Variants in CDHR1 observed in about 807,000 individuals in gnomAD.
CDHR1 encodes the protein cadherin-related family member 1.
CDHR1 carries 61 observed loss-of-function variants against 72.1 expected under a neutral mutation model. The observed-to-expected ratio is 0.85, with a 90% CI of 0.69 to 1.05. The LOEUF (loss-of-function observed/expected upper bound fraction) is 1.05, where lower values mean the gene tolerates loss of function less well. Ranked by LOEUF, CDHR1 falls within the 50% of genes least tolerant of loss-of-function variation. The pLI is 0.00. For synonymous variants in CDHR1, 470 were observed against 448.1 expected (o/e 1.05, Z -0.62); for missense variants, 1,186 against 1,115.7 (o/e 1.06, Z -0.90).
rs1842436154 is a variant in CDHR1 at position 84,217,004 on chromosome 10, G to A, written c.*2383G>A. On this transcript the variant is annotated 3_prime_UTR_variant, in exon 17 of 17. Coordinates refer to ENST00000623527, the MANE Select transcript of CDHR1 (RefSeq NM_033100.4). ...GTCTCTTGGACAACCCCAGGAACTT[G>A]GACCAAGGCAGAGCCAATCTTGCAA... 1 of 985,428 alleles carries A rather than the reference G, an allele frequency of 1.0e-6. No individual in the cohort carries two copies. The highest frequency in any genetic ancestry group is 1.7e-5 in the African/African-American group (1 of 57,244). The allele number at this position is 985,428 out of a possible 1,614,324, so 61.0% of individuals were successfully genotyped here.
In CDHR1 at chr10:84,214,376, A is replaced by G. The variant is rs201966538; in HGVS notation, c.2335A>G (p.Asn779Asp). The G allele has an allele frequency of 1.2e-6, 2 of 1,614,096 alleles. No individual in the cohort carries two copies. The highest frequency in any genetic ancestry group is 1.3e-5 in the African/African-American group (1 of 75,042). Residue 779 changes from asparagine (N) to aspartate (D), a missense_variant, in exon 17 of 17, where the codon AAC becomes GAC. Physicochemically the swap from Asn to Asp is conservative, Grantham distance 23. Transcript: ENST00000623527. ...AGAGAAACCTCCCAATGAGAACTGT[A>G]ACAACAACAGCCCAGAAAGCTCTCT... ...LKEKPPNENCNNNSPESSLLP... is the reference protein window; with the variant it reads ...LKEKPPNENCDNNSPESSLLP...
chr10:84,213,882 T>G (rs538829886), intron 16 of CDHR1, among the ~76,000 whole-genome samples, 200 bp from the exon 17 acceptor site: 1 of 152,314 alleles, frequency 6.6e-6, no homozygotes, highest in East Asian at 1.9e-4. Flanking sequence ...CTGCGTGCAT[T>G]TTTCTGGAGA....
rs555502663 is a variant in CDHR1 at position 84,215,038 on chromosome 10, A to G, written c.*417A>G. 2 of 1,079,258 alleles carry G rather than the reference A, an allele frequency of 1.9e-6. No individual in the cohort carries two copies. Among genetic ancestry groups the G allele is most frequent in the Admixed American group, 9.5e-5 (2 of 21,000 alleles). 66.9% of individuals were successfully genotyped at this position (1,079,258 alleles called of 1,614,324 possible). A position where few individuals can be genotyped will look rare whatever the true frequency, so the allele number is the denominator to read the frequency against. ...CTGGCCACGTGGAGCAACACTGACTAGAATCTGGATCCTGACGCCTGCAGC... is the reference window on the plus strand; with the variant it reads ...CTGGCCACGTGGAGCAACACTGACTGGAATCTGGATCCTGACGCCTGCAGC... On this transcript the variant is annotated 3_prime_UTR_variant, in exon 17 of 17. Coordinates refer to ENST00000623527, the MANE Select transcript of CDHR1 (RefSeq NM_033100.4).
chr10:84,205,800 A>T lies in CDHR1; in HGVS notation c.863-27A>T. On this transcript the variant is annotated intron_variant, in intron 9 of 16. Transcript: ENST00000623527. ...TGCGCCTCCCTGTGGTCCTGTGCAG[A>T]ACTTCAGGGTGCATCTCCCTTGACA... 5 of 1,548,444 alleles carry T rather than the reference A, an allele frequency of 3.2e-6. No homozygotes were observed. The South Asian group carries it at 5.6e-5, about 17-fold the overall frequency.
rs774306154 is a variant in CDHR1, at chr10:84,214,066, T to C, written c.2041-16T>C. On this transcript the variant is annotated splice_polypyrimidine_tract_variant and intron_variant, in intron 16 of 16. Coordinates refer to ENST00000623527, the MANE Select transcript of CDHR1 (RefSeq NM_033100.4). ...GGTGGGAACAGCTGAGTGCAGGGAG[T>C]GGCTTTCTCTTTCAGACCCTCTCCC... 8.1e-6 allele frequency: 13 copies of C among 1,613,936 alleles called. No individual in the cohort carries two copies. The highest frequency in any genetic ancestry group is 2.2e-5 in the East Asian group (1 of 44,852).
chr10:84,213,042 C>A (rs939344755), intron 15 of CDHR1, 49 bp from the exon 16 acceptor site: 27 of 1,613,656 alleles, frequency 1.7e-5, no homozygotes, highest in Non-Finnish European at 2.2e-5. Context: ...CCAGAGTACA[C>A]AAGGATTGTC....
At position 84,214,073 on chromosome 10, in the gene CDHR1, C is replaced by G. The variant is rs1177080908; in HGVS notation, c.2041-9C>G. The G allele has an allele frequency of 6.2e-7, 1 of 1,614,188 alleles. No homozygotes were observed. Among genetic ancestry groups the G allele is most frequent in the Admixed American group, 1.7e-5 (1 of 60,034 alleles). ...ACAGCTGAGTGCAGGGAGTGGCTTT[C>G]TCTTTCAGACCCTCTCCCGGAGCCC... On this transcript the variant is annotated splice_polypyrimidine_tract_variant and intron_variant, in intron 16 of 16. Coordinates refer to ENST00000623527, the MANE Select transcript of CDHR1 (RefSeq NM_033100.4).
intron 6 of CDHR1, among the ~76,000 whole-genome samples, chr10:84,201,525 C>T (rs751281495): frequency 1.3e-5 from 2 of 152,206 alleles, no homozygotes; most frequent in African/African-American, 4.8e-5. Context: ...CAGAGCTAAG[C>T]CCAAAGCTGA....
In CDHR1 at chr10:84,217,140, G is replaced by C; in HGVS notation, c.*2519G>C. On this transcript the variant is annotated 3_prime_UTR_variant, in exon 17 of 17. Transcript: ENST00000623527. ...GGCAAGTGTTGTCAGCACTGGAGGA[G>C]ACCCCGCCAGTGGGGTGAGGCCAGC... 3 of 985,632 alleles carry C rather than the reference G, an allele frequency of 3.0e-6. No individual in the cohort carries two copies. Among genetic ancestry groups the C allele is most frequent in the Non-Finnish European group, 3.6e-6 (3 of 830,078 alleles). 61.1% of individuals were successfully genotyped at this position (985,632 alleles called of 1,614,324 possible). A position where few individuals can be genotyped will look rare whatever the true frequency, so the allele number is the denominator to read the frequency against.
At position 84,218,062 on chromosome 10, in the gene CDHR1, G is replaced by C. The variant is rs1009237435; in HGVS notation, c.*3441G>C. ...GAATCCAAGGCCAGTCCACCTGCCA[G>C]GGGTGTTGGCATCTGTTGACAGGCA... On this transcript the variant is annotated 3_prime_UTR_variant, in exon 17 of 17. Transcript: ENST00000623527. 1 of 985,378 alleles carries C rather than the reference G, an allele frequency of 1.0e-6. No individual in the cohort carries two copies. The highest frequency in any genetic ancestry group is 1.2e-6 in the Non-Finnish European group (1 of 829,954). The allele number at this position is 985,378 out of a possible 1,614,324, so 61.0% of individuals were successfully genotyped here. A position where few individuals can be genotyped will look rare whatever the true frequency, so the allele number is the denominator to read the frequency against.
chr10:84,206,823 A>C (rs939687406), intron 10 of CDHR1, among the ~76,000 whole-genome samples: 1 of 152,216 alleles, frequency 6.6e-6, no homozygotes. Context: ...TTCAGAGGGA[A>C]CTAGATGAGA....
chr10:84,211,733 C>T lies in CDHR1; in HGVS notation c.1553+18C>T. ...GCAGACCTGTAAGTAGATCCAGAAT[C>T]CAGGACAGGGCCTTGGGCAAGGGGA... On this transcript the variant is annotated intron_variant, in intron 14 of 16. Transcript: ENST00000623527. 6.2e-7 allele frequency: 1 copy of T among 1,606,720 alleles called. No individual in the cohort carries two copies. Among genetic ancestry groups the T allele is most frequent in the Non-Finnish European group, 8.5e-7 (1 of 1,173,274 alleles).
chr10:84,209,855 T>G (rs1842296791), intron 12 of CDHR1, among the ~76,000 whole-genome samples: 1 of 152,128 alleles, frequency 6.6e-6, no homozygotes, highest in Non-Finnish European at 1.5e-5. Context: ...AATGCTAAAT[T>G]TCACAAAGAG....
intron 7 of CDHR1, 102 bp from the exon 8 acceptor site, chr10:84,202,878 G>C (rs953365896): frequency 2.3e-6 from 3 of 1,283,236 alleles, no homozygotes; most frequent in Non-Finnish European, 3.4e-6. Context: ...AGGACAGCTG[G>C]CCTCACAGCC....
At chr10:84,219,491 T>G, downstream of CDHR1, 1 of 645,690 alleles carries the variant, frequency 1.5e-6, no homozygotes, top group Non-Finnish European at 2.4e-6. Flanking sequence ...GGTCTGAACA[T>G]CCACTCTCAC....
At chr10:84,202,670 G>C (rs528217162) in intron 7 of CDHR1, among the ~76,000 whole-genome samples, 43 of 152,344 alleles carry the variant, frequency 2.8e-4, no homozygotes, top group Middle Eastern at 3.4e-3. Flanking sequence ...ATCCTCAGGA[G>C]GTGCTTGAGG....
chr10:84,210,929 G>T (rs1842317518), intron 12 of CDHR1, 72 bp from the exon 13 acceptor site: 2 of 1,513,046 alleles, frequency 1.3e-6, no homozygotes, highest in South Asian at 1.1e-5. Context: ...CAGTCCTGGG[G>T]AGATGAGGTG....
chr10:84,219,280 G>A, downstream of CDHR1: 1 of 1,549,584 alleles, frequency 6.5e-7, no homozygotes, highest in Non-Finnish European at 8.7e-7. Context: ...ATCTTAAAAA[G>A]TATCAGATTC....
rs1346850743 is a variant in CDHR1, at chr10:84,194,746, C to A, written c.-15C>A. ...GTCTCGGCGGCGGCAGGCGACACTC[C>A]GCGCCGGCGGAGACATGAGGCGCTG... On this transcript the variant is annotated 5_prime_UTR_variant, in exon 1 of 17. Coordinates refer to ENST00000623527, the MANE Select transcript of CDHR1 (RefSeq NM_033100.4). The A allele has an allele frequency of 2.7e-6, 4 of 1,495,042 alleles. No homozygotes were observed. The allele number at this position is 1,495,042 out of a possible 1,614,324, so 92.6% of individuals were successfully genotyped here. A position where few individuals can be genotyped will look rare whatever the true frequency, so the allele number is the denominator to read the frequency against.
Sources: allele counts gnomAD v4.1 joint callset (sites outside exome capture counted in the v4.1 genomes callset), GRCh38; gene constraint gnomAD v4.1.1; transcripts MANE v1.5; gene names NCBI Gene and HGNC (gene_info 2026-07-23, HGNC 2026-07-21).